The following PATJ variants were observed in gnomAD, a reference collection of about 807,000 sequenced individuals.
The protein encoded by PATJ is PATJ crumbs cell polarity complex component.
Under a neutral mutation model 224.9 loss-of-function variants are expected in PATJ, and 190 were observed. That is an observed-to-expected ratio of 0.84 (90% CI 0.75 to 0.95). The LOEUF is 0.95. Among genes scored for constraint, PATJ ranks in the 40% least tolerant of loss-of-function variants. The pLI is 0.00. For missense variants in PATJ, 2,121 were observed against 2,270.3 expected (o/e 0.93, Z 1.34); for synonymous variants, 769 against 820.3 (o/e 0.94, Z 1.07).
At chr1:61,929,675 A>G (rs1455524351) in intron 27 of PATJ, among the ~76,000 whole-genome samples, 2 of 152,234 alleles carry the variant, frequency 1.3e-5, no homozygotes, top group Admixed American at 6.5e-5. Context: ...CTTACTCCAG[A>G]GCCTATAACA....
At chr1:61,892,661 GA>G (rs1346701906) in intron 22 of PATJ, among the ~76,000 whole-genome samples, 1 of 152,126 alleles carries the variant, frequency 6.6e-6, no homozygotes, top group African/African-American at 2.4e-5. Flanking sequence ...TCATTTTTAA[GA>G]CTTTATTTCT....
At chr1:62,028,925 G>A (rs1648595781) in intron 29 of PATJ, among the ~76,000 whole-genome samples, 1 of 152,108 alleles carries the variant, frequency 6.6e-6, no homozygotes, top group South Asian at 2.1e-4. Context: ...TCATGCCACT[G>A]CACTCCAGCC....
At position 62,161,701 on chromosome 1, in the gene PATJ, T is replaced by C. The variant is rs1558255659; in HGVS notation, c.*647T>C. ...TTACCAAAACTGGAGTTAACTTCTC[T>C]TTCCTTATACTCTTCTCTCCCTATC... On this transcript the variant is annotated 3_prime_UTR_variant, in exon 44 of 44. Coordinates refer to ENST00000642238, the MANE Select transcript of PATJ (RefSeq NM_001350145.3). The C allele has an allele frequency of 2.0e-5, 3 of 152,212 alleles. No individual in the cohort carries two copies. Among genetic ancestry groups the C allele is most frequent in the South Asian group, 2.1e-4 (1 of 4,832 alleles). 9.4% of individuals were successfully genotyped at this position (152,212 alleles called of 1,614,324 possible). A position where few individuals can be genotyped will look rare whatever the true frequency, so the allele number is the denominator to read the frequency against.
At chr1:61,874,096 C>A (rs1667029026) in intron 20 of PATJ, among the ~76,000 whole-genome samples, 1 of 152,150 alleles carries the variant, frequency 6.6e-6, no homozygotes, top group African/African-American at 2.4e-5. Context: ...TGAGGGCCCC[C>A]TTTCTGGTTC....
At position 61,923,443 on chromosome 1, in the gene PATJ, C is replaced by T. The variant is rs149920457; in HGVS notation, c.3571-4287C>T. 2.0e-3 allele frequency among the ~76,000 whole-genome samples: 299 copies of T among 152,194 alleles called. 1 individual carries two copies. The highest frequency in any genetic ancestry group is 6.8e-3 in the African/African-American group (281 of 41,526). ...GCGTACTCTTTTCAAAGTTAGGAGG[C>T]CAGGAGACTAATCTATCTCTTTAAA... On this transcript the variant is annotated intron_variant, in intron 26 of 43. Transcript: ENST00000642238.
At chr1:61,871,401 G>GTATATATATATATACATATATA (rs1407723345) in intron 20 of PATJ, among the ~76,000 whole-genome samples, 3 of 82,358 alleles carry the variant, frequency 3.6e-5, no homozygotes, top group African/African-American at 1.0e-4. Context: ...ATATATATAT[G>GTATATATATATATACATATATA]TGTATATATA....
chr1:62,050,301 C>G (rs1460813819), intron 30 of PATJ, among the ~76,000 whole-genome samples: 2 of 152,168 alleles, frequency 1.3e-5, no homozygotes, highest in African/African-American at 4.8e-5. Context: ...AACAGAATGG[C>G]TAACTCAAAC....
intron 33 of PATJ, among the ~76,000 whole-genome samples, chr1:62,098,185 C>A (rs1316403685): frequency 4.0e-5 from 6 of 151,786 alleles, no homozygotes; most frequent in Non-Finnish European, 5.9e-5. Context: ...TGGTGAAACC[C>A]CATCTTTATT....
intron 12 of PATJ, among the ~76,000 whole-genome samples, chr1:61,803,483 T>C (rs1335835785): frequency 6.6e-6 from 1 of 152,202 alleles, no homozygotes; most frequent in Non-Finnish European, 1.5e-5. Context: ...TTATATGTTA[T>C]GTTCCCGTTT....
intron 29 of PATJ, among the ~76,000 whole-genome samples, chr1:62,021,701 G>GA (rs1647093785): frequency 6.6e-6 from 1 of 151,942 alleles, no homozygotes; most frequent in Non-Finnish European, 1.5e-5. Flanking sequence ...TTTATAGGGA[G>GA]AAAAAACATA....
At chr1:62,075,383 T>G (rs924027334) in intron 31 of PATJ, among the ~76,000 whole-genome samples, 10 of 152,238 alleles carry the variant, frequency 6.6e-5, no homozygotes, top group Non-Finnish European at 1.5e-4. Flanking sequence ...ATAGCTGTTA[T>G]TAATTGAGCC....
chr1:62,119,141 T>G (rs549292444), intron 37 of PATJ, among the ~76,000 whole-genome samples: 3 of 152,208 alleles, frequency 2.0e-5, no homozygotes, highest in African/African-American at 7.2e-5. Context: ...GGGTAGGAGT[T>G]TAATTCAATT....
intron 31 of PATJ, among the ~76,000 whole-genome samples, chr1:62,054,644 T>C (rs968859410): frequency 1.3e-5 from 2 of 152,216 alleles, no homozygotes; most frequent in African/African-American, 4.8e-5. Flanking sequence ...ATTTCAGAAG[T>C]CTAGATGAGA....
At chr1:62,023,853 T>C (rs770387617) in intron 29 of PATJ, among the ~76,000 whole-genome samples, 32 of 152,220 alleles carry the variant, frequency 2.1e-4, no homozygotes, top group Non-Finnish European at 3.8e-4. Flanking sequence ...ATGGCTCTTA[T>C]CATTTTGAGG....
chr1:61,809,291 A>G (rs1463003053), intron 14 of PATJ, among the ~76,000 whole-genome samples: 4 of 152,060 alleles, frequency 2.6e-5, no homozygotes, highest in Non-Finnish European at 4.4e-5. Context: ...TTCTTGCCTG[A>G]GTGGTTTCAG....
chr1:62,004,176 G>A (rs1645958927), intron 28 of PATJ, among the ~76,000 whole-genome samples: 1 of 152,178 alleles, frequency 6.6e-6, no homozygotes, highest in Non-Finnish European at 1.5e-5. Flanking sequence ...GTCACTTACA[G>A]AGTACCGGAT....
Position 62,057,365 on chromosome 1 carries a change from G to A in PATJ, c.4125+6307G>A, listed in dbSNP as rs74350872. Among the ~76,000 whole-genome samples, 202 of 152,286 alleles carry A rather than the reference G, an allele frequency of 1.3e-3. 6 individuals are homozygous for A. In the East Asian group the frequency reaches 0.038, roughly 29 times the overall value. On this transcript the variant is annotated intron_variant, in intron 31 of 43. Coordinates refer to ENST00000642238, the MANE Select transcript of PATJ (RefSeq NM_001350145.3). The stretch of plus-strand genomic sequence containing the variant: ...GTTGCCAGATTGGTGAGATGGAAGC[G>A]AAATTGGAGTGATCAGCAGCAGCCA...
chr1:62,135,749 T>C (rs1452136756), intron 41 of PATJ, among the ~76,000 whole-genome samples: 2 of 152,212 alleles, frequency 1.3e-5, no homozygotes, highest in East Asian at 3.8e-4. Context: ...AAGGTTGCTC[T>C]GAGGATTAGA....
intron 32 of PATJ, among the ~76,000 whole-genome samples, chr1:62,083,666 A>G (rs543136171): frequency 6.6e-6 from 1 of 152,184 alleles, no homozygotes; most frequent in Non-Finnish European, 1.5e-5. Context: ...TCTTGTGTTT[A>G]TAATATATTT....
Sources: allele counts gnomAD v4.1 joint callset (sites outside exome capture counted in the v4.1 genomes callset), GRCh38; gene constraint gnomAD v4.1.1; transcripts MANE v1.5; gene names NCBI Gene and HGNC (gene_info 2026-07-23, HGNC 2026-07-21).